FNDC3B: variants seen among roughly 807,000 people sequenced by gnomAD.
FNDC3B encodes fibronectin type III domain containing 3B, also known as fibronectin type III domain-containing protein 3B.
A neutral mutation model predicts 151.5 loss-of-function variants in FNDC3B; 12 were observed. The observed-to-expected ratio is 0.08, with a 90% CI of 0.05 to 0.13. The LOEUF (loss-of-function observed/expected upper bound fraction) is 0.13, where lower values mean the gene tolerates loss of function less well. FNDC3B is among the 10% of genes least tolerant of loss of function. FNDC3B has a pLI of 1.00. For synonymous variants in FNDC3B, 528 were observed against 549.0 expected, an observed-to-expected ratio of 0.96 and a Z score of 0.54; for missense variants, 1,214 against 1,505.3, an observed-to-expected ratio of 0.81 and a Z score of 3.20.
intron 1 of FNDC3B, among the ~76,000 whole-genome samples, chr3:172,088,893 A>C (rs1433661485): frequency 6.6e-6 from 1 of 152,234 alleles, no homozygotes; most frequent in Non-Finnish European, 1.5e-5. Flanking sequence ...CAAAAGCTAT[A>C]ACAATAGTAA....
chr3:172,188,863 C>T (rs1196534778), intron 3 of FNDC3B, among the ~76,000 whole-genome samples: 1 of 152,134 alleles, frequency 6.6e-6, no homozygotes, highest in East Asian at 1.9e-4. Context: ...CTGCACTGCT[C>T]CCCAGGTATC....
Position 172,247,722 on chromosome 3 carries a change from C to G in FNDC3B, c.454C>G (p.Pro152Ala), listed in dbSNP as rs751062698. Residue 152 changes from proline (P) to alanine (A), a missense_variant, in exon 5 of 26, where the codon CCG (proline) becomes GCG (alanine). Physicochemically the swap from Pro to Ala is conservative, Grantham distance 27 (BLOSUM62 -1). Around this residue, in one of 7 missense-constraint regions of FNDC3B, gnomAD observed 166 missense variants for 173.2 expected, o/e 0.96. Coordinates refer to ENST00000415807, the MANE Select transcript of FNDC3B (RefSeq NM_022763.4). The part of the protein sequence containing the change: ...YPPVTGPGDM[P>A]PQFFPQHHLP... ...ACCTGTTACCGGACCTGGAGATATG[C>G]CGCCTCAGTTTTTTCCCCAGCATCA... 3.6e-5 allele frequency: 58 copies of G among 1,614,012 alleles called. No individual in the cohort carries two copies. The highest frequency in any genetic ancestry group is 4.8e-5 in the Non-Finnish European group (57 of 1,180,004).
chr3:172,386,705 C>A (rs75376807), intron 25 of FNDC3B, among the ~76,000 whole-genome samples: 85,017 of 146,472 alleles, frequency 0.58, 27,855 homozygotes, highest in Non-Finnish European at 0.76. Context: ...CGTGCCACTG[C>A]ACTCCAGCCT....
At position 172,333,121 on chromosome 3, in the gene FNDC3B, G is replaced by T. The variant is rs1732763378; in HGVS notation, c.1587G>T (p.Glu529Asp). 6.2e-7 allele frequency: 1 copy of T among 1,613,324 alleles called. No individual in the cohort carries two copies. The highest frequency in any genetic ancestry group is 8.5e-7 in the Non-Finnish European group (1 of 1,179,316). Residue 529 changes from glutamate to aspartate, a missense_variant, in exon 14 of 26, where the codon GAG becomes GAT. By Grantham distance (45) the Glu-to-Asp change is conservative (BLOSUM62 2). Transcript: ENST00000415807. Reference protein sequence around the residue: ...DNLFHPKYTGEDLTCTVKNLK... With the variant: ...DNLFHPKYTGDDLTCTVKNLK... ...TTTTCCACCCAAAATACACTGGAGA[G>T]GATTTAACCTGTACTGTGAAAAATC...
chr3:172,235,426 G>A (rs1727101614), intron 4 of FNDC3B, among the ~76,000 whole-genome samples: 1 of 152,184 alleles, frequency 6.6e-6, no homozygotes, highest in Non-Finnish European at 1.5e-5. Flanking sequence ...ATTTTGGGGG[G>A]ATTAGGGTCT....
chr3:172,059,751 A>G (rs73879898), intron 1 of FNDC3B, among the ~76,000 whole-genome samples: 3,456 of 152,286 alleles, frequency 0.023, 132 homozygotes, highest in African/African-American at 0.079. Flanking sequence ...GACTGTATAA[A>G]CTTGCTTAAC....
intron 15 of FNDC3B, among the ~76,000 whole-genome samples, chr3:172,336,642 T>C (rs1352927071): frequency 6.6e-6 from 1 of 152,192 alleles, no homozygotes; most frequent in Non-Finnish European, 1.5e-5. Flanking sequence ...GGCTCATGCC[T>C]GTAATCCCAG....
At chr3:172,207,426 T>C (rs546079845) in intron 3 of FNDC3B, among the ~76,000 whole-genome samples, 1 of 152,206 alleles carries the variant, frequency 6.6e-6, no homozygotes, top group Non-Finnish European at 1.5e-5. Flanking sequence ...CAGATTTGAC[T>C]ACTTGCTGCT....
intron 1 of FNDC3B, among the ~76,000 whole-genome samples, chr3:172,104,574 C>T (rs1396289843): frequency 6.6e-6 from 1 of 152,126 alleles, no homozygotes; most frequent in Non-Finnish European, 1.5e-5. Context: ...AGGAAAAGCA[C>T]TAAAACAACC....
At chr3:172,285,771 C>G (rs1004019731) in intron 6 of FNDC3B, among the ~76,000 whole-genome samples, 155 bp from the exon 7 acceptor site, 2 of 152,200 alleles carry the variant, frequency 1.3e-5, no homozygotes, top group African/African-American at 2.4e-5. Flanking sequence ...ACCTTCATTC[C>G]TGATTTTCCT....
At chr3:172,211,994 G>C (rs114832005) in intron 3 of FNDC3B, among the ~76,000 whole-genome samples, 1 of 152,030 alleles carries the variant, frequency 6.6e-6, no homozygotes, top group African/African-American at 2.4e-5. Context: ...CATATTAAAC[G>C]ATCACCAGGG....
At chr3:172,388,828 G>A (rs1417663170) in intron 25 of FNDC3B, among the ~76,000 whole-genome samples, 1 of 152,154 alleles carries the variant, frequency 6.6e-6, no homozygotes, top group East Asian at 1.9e-4. Flanking sequence ...CATGATTTCT[G>A]CAAGGCGGGG....
At chr3:172,227,059 G>A (rs1299738679) in intron 4 of FNDC3B, 112 bp downstream of exon 4, 2 of 722,178 alleles carry the variant, frequency 2.8e-6, no homozygotes, top group East Asian at 2.6e-5. Context: ...GTACCGTAGT[G>A]CTAGGTTTGC....
chr3:172,306,181 G>A (rs1281659686), intron 9 of FNDC3B, among the ~76,000 whole-genome samples: 1 of 152,144 alleles, frequency 6.6e-6, no homozygotes, highest in African/African-American at 2.4e-5. Context: ...CTTCCATAAT[G>A]TTGTTATCTT....
intron 3 of FNDC3B, among the ~76,000 whole-genome samples, chr3:172,152,016 C>T (rs1328814111): frequency 6.6e-6 from 1 of 152,186 alleles, no homozygotes; most frequent in Non-Finnish European, 1.5e-5. Context: ...TACTCAGTCC[C>T]TGTCTGATCA....
chr3:172,076,338 C>T (rs1037258304), intron 1 of FNDC3B, among the ~76,000 whole-genome samples: 2 of 152,218 alleles, frequency 1.3e-5, no homozygotes, highest in Non-Finnish European at 2.9e-5. Flanking sequence ...ACAAAAATGT[C>T]TGCATTCAGA....
intron 4 of FNDC3B, among the ~76,000 whole-genome samples, chr3:172,234,160 T>C (rs1465206316): frequency 1.3e-5 from 2 of 152,158 alleles, no homozygotes; most frequent in African/African-American, 4.8e-5. Context: ...TAATAGAACA[T>C]GGGATTAGTG....
At chr3:172,265,620 T>C (rs1238862380) in intron 6 of FNDC3B, among the ~76,000 whole-genome samples, 1 of 152,232 alleles carries the variant, frequency 6.6e-6, no homozygotes, top group East Asian at 1.9e-4. Context: ...GTGACAATTA[T>C]GTTATTATAC....
intron 22 of FNDC3B, among the ~76,000 whole-genome samples, chr3:172,358,464 T>C (rs1734201879): frequency 1.3e-5 from 2 of 152,254 alleles, no homozygotes; most frequent in African/African-American, 4.8e-5. Context: ...ACTCTCACCT[T>C]GCTGCGGATG....
Sources: allele counts gnomAD v4.1 joint callset (sites outside exome capture counted in the v4.1 genomes callset), GRCh38; gene constraint gnomAD v4.1.1; regional missense constraint gnomAD v4.1.1; transcripts MANE v1.5; gene names NCBI Gene and HGNC (gene_info 2026-07-23, HGNC 2026-07-21).